Variants in FGF18 observed in about 807,000 individuals in gnomAD.
FGF18 encodes fibroblast growth factor 18.
FGF18 carries 5 observed loss-of-function variants against 23.0 expected under a neutral mutation model. The observed-to-expected ratio is 0.22, with a 90% confidence interval of 0.11 to 0.46. FGF18 has a LOEUF of 0.46. Ranked by LOEUF, FGF18 falls within the 20% of genes least tolerant of loss-of-function variation. The pLI is 0.99. For synonymous variants in FGF18, 117 were observed against 118.9 expected (o/e 0.98, Z 0.10); for missense variants, 180 against 291.6 (o/e 0.62, Z 2.79).
rs1772244815 is a variant in FGF18, at chr5:171,436,272, T to C, written c.249T>C (p.Tyr83=). 4 of 1,572,398 alleles carry C rather than the reference T, an allele frequency of 2.5e-6. No homozygotes were observed. The highest frequency in any genetic ancestry group is 2.6e-6 in the Non-Finnish European group (3 of 1,155,914). Residue 83 remains tyrosine, a splice_region_variant and synonymous_variant, in exon 3 of 5, where the codon TAT becomes TAC. Coordinates refer to ENST00000274625, the MANE Select transcript of FGF18 (RefSeq NM_003862.3). The surrounding 1 kb of genome is among the most constrained non-coding windows in gnomAD (Gnocchi z 4.4). The part of the protein sequence containing the change: ...ISARGEDGDK[Y]AQLLVETDTF... The stretch of plus-strand genomic sequence containing the variant: ...CCCGCGGCGAGGATGGGGACAAGTA[T>C]GGTATGTGCCAACCCTCTCCTCCTA...
Position 171,436,126 on chromosome 5 carries a change from A to G in FGF18, c.103A>G (p.Ile35Val). Residue 35 changes from isoleucine (I) to valine (V), a missense_variant, in exon 3 of 5, where the codon ATC becomes GTC. Ile to Val is a conservative substitution (Grantham distance 29). Coordinates refer to ENST00000274625, the MANE Select transcript of FGF18 (RefSeq NM_003862.3). The surrounding 1 kb of genome is among the most constrained non-coding windows in gnomAD (Gnocchi z 4.4). ...TGCCGAGGAGAACGTGGACTTCCGC[A>G]TCCACGTGGAGAACCAGACGCGGGC... ...LVAEENVDFR[I>V]HVENQTRARD... The G allele has an allele frequency of 6.3e-7, 1 of 1,575,774 alleles. No homozygotes were observed. The highest frequency in any genetic ancestry group is 8.6e-7 in the Non-Finnish European group (1 of 1,156,522).
At chr5:171,428,034 G>T (rs567839984) in intron 2 of FGF18, among the ~76,000 whole-genome samples, 52 of 152,190 alleles carry the variant, frequency 3.4e-4, no homozygotes, top group Non-Finnish European at 7.3e-4. Context: ...CTGCCCGGGG[G>T]AGGCACTTGG....
chr5:171,426,084 C>G (rs1309773565), intron 2 of FGF18, among the ~76,000 whole-genome samples: 1 of 152,158 alleles, frequency 6.6e-6, no homozygotes, highest in African/African-American at 2.4e-5. Flanking sequence ...ACTTAACTCC[C>G]CTGGGTCTCA....
chr5:171,436,420 A>C lies in FGF18; in HGVS notation c.250+147A>C, dbSNP rs565688117. The C allele has an allele frequency of 4.3e-4, 235 of 546,670 alleles. 3 individuals carry two copies. Among genetic ancestry groups the C allele is most frequent in the South Asian group, 3.3e-3 (75 of 22,560 alleles). 33.9% of individuals were successfully genotyped at this position (546,670 alleles called of 1,614,324 possible). On this transcript the variant is annotated intron_variant, in intron 3 of 4. Transcript: ENST00000274625. This position sits in a 1 kb window ranked among gnomAD's most constrained non-coding sequence, Gnocchi z 4.4. The stretch of plus-strand genomic sequence containing the variant: ...TGACCCTTTCTGGGTCTGTTTCCTG[A>C]TCTATAAAATGGGGATGCAATAGTG...
chr5:171,448,258 C>G (rs375609895), intron 3 of FGF18, among the ~76,000 whole-genome samples: 1 of 152,294 alleles, frequency 6.6e-6, no homozygotes, highest in East Asian at 1.9e-4. Context: ...CAGTGGGGAT[C>G]CGGTCCTGAT....
At chr5:171,430,825 A>C (rs1772171996) in intron 2 of FGF18, among the ~76,000 whole-genome samples, 1 of 148,566 alleles carries the variant, frequency 6.7e-6, no homozygotes. Flanking sequence ...AAGAAAAAAG[A>C]GTAATGATTG....
At chr5:171,433,878 T>A (rs1017758680) in intron 2 of FGF18, among the ~76,000 whole-genome samples, 3 of 152,248 alleles carry the variant, frequency 2.0e-5, no homozygotes, top group Non-Finnish European at 2.9e-5. Flanking sequence ...AAGGGTTCCC[T>A]TGTGTTCTAT....
chr5:171,432,583 A>AT (rs1191542947), intron 2 of FGF18, among the ~76,000 whole-genome samples: 1 of 151,800 alleles, frequency 6.6e-6, no homozygotes, highest in African/African-American at 2.4e-5. Flanking sequence ...TAATTTTTGT[A>AT]TTTTCAGTAG....
At chr5:171,438,560 C>CTA (rs1326760012) in intron 3 of FGF18, among the ~76,000 whole-genome samples, 2 of 152,044 alleles carry the variant, frequency 1.3e-5, no homozygotes, top group African/African-American at 4.8e-5. Context: ...GGGGACTAGG[C>CTA]CTTCTTGGCT....
In FGF18 at chr5:171,425,855, A is replaced by G. The variant is rs541814846; in HGVS notation, c.69+5412A>G. 3.3e-4 allele frequency among the ~76,000 whole-genome samples: 51 copies of G among 152,316 alleles called. 1 individual carries two copies. Among genetic ancestry groups the G allele is most frequent in the Admixed American group, 7.8e-4 (12 of 15,302 alleles). On this transcript the variant is annotated intron_variant, in intron 2 of 4. Coordinates refer to ENST00000274625, the MANE Select transcript of FGF18 (RefSeq NM_003862.3). Reference sequence around the variant, plus strand: ...AGCCATGTGCTTTTGCACATTATCCAGGTCAAGCCTCACAACCAGCCTGGA... The same window carrying G: ...AGCCATGTGCTTTTGCACATTATCCGGGTCAAGCCTCACAACCAGCCTGGA...
At chr5:171,439,389 G>A (rs893758430) in intron 3 of FGF18, among the ~76,000 whole-genome samples, 1 of 152,184 alleles carries the variant, frequency 6.6e-6, no homozygotes, top group African/African-American at 2.4e-5. Context: ...AGCACAGCTG[G>A]CCAGAGGGCT....
At chr5:171,420,482 C>G in intron 2 of FGF18, 39 bp downstream of exon 2, 1 of 1,596,684 alleles carries the variant, frequency 6.3e-7, no homozygotes, top group Non-Finnish European at 8.6e-7. Context: ...CCCGCCCCTG[C>G]CTCGCGGTAC....
intron 2 of FGF18, among the ~76,000 whole-genome samples, chr5:171,424,262 GT>G (rs1772060635): frequency 6.6e-6 from 1 of 152,240 alleles, no homozygotes; most frequent in East Asian, 1.9e-4. Context: ...TCCCAGCACT[GT>G]GAAGTGGAGT....
At chr5:171,420,513 G>A (rs948432908) in intron 2 of FGF18, 70 bp downstream of exon 2, 1 of 1,458,114 alleles carries the variant, frequency 6.9e-7, no homozygotes, top group Non-Finnish European at 9.6e-7. Flanking sequence ...CCCTTCCCCG[G>A]CCGCGCCCCC....
At chr5:171,443,435 A>T (rs943477124) in intron 3 of FGF18, among the ~76,000 whole-genome samples, 2 of 146,892 alleles carry the variant, frequency 1.4e-5, no homozygotes, top group African/African-American at 5.0e-5. Flanking sequence ...CCACGTTCAC[A>T]CTCTTAACAT....
chr5:171,433,570 T>C (rs1341040445), intron 2 of FGF18, among the ~76,000 whole-genome samples: 1 of 151,978 alleles, frequency 6.6e-6, no homozygotes, highest in African/African-American at 2.4e-5. Context: ...AGCAGCAGGA[T>C]GTGGAAGGAG....
intron 3 of FGF18, among the ~76,000 whole-genome samples, chr5:171,447,411 A>G (rs528925395): frequency 6.6e-6 from 1 of 152,350 alleles, no homozygotes; most frequent in South Asian, 2.1e-4. Flanking sequence ...CTTAAGGGGA[A>G]CAAGGAGGAT....
chr5:171,420,452 G>T lies in FGF18; in HGVS notation c.69+9G>T. 1 of 1,612,346 alleles carries T rather than the reference G, an allele frequency of 6.2e-7. No individual in the cohort carries two copies. The highest frequency in any genetic ancestry group is 8.5e-7 in the Non-Finnish European group (1 of 1,179,092). The stretch of plus-strand genomic sequence containing the variant: ...TGTGCTTCCAGGTACAGGTACGTGG[G>T]CTCCTGACTTTGACCTCCTCCCGCC... On this transcript the variant is annotated intron_variant, in intron 2 of 4. Coordinates refer to ENST00000274625, the MANE Select transcript of FGF18 (RefSeq NM_003862.3).
Position 171,457,366 on chromosome 5 carries a change from C to T in FGF18, c.*561C>T, listed in dbSNP as rs935592498. 1 of 152,842 alleles carries T rather than the reference C, an allele frequency of 6.5e-6. No individual in the cohort carries two copies. Among genetic ancestry groups the T allele is most frequent in the African/African-American group, 2.4e-5 (1 of 41,376 alleles). The allele number at this position is 152,842 out of a possible 1,614,324, so 9.5% of individuals were successfully genotyped here. ...GGCGTGCCCCTGGGAATTCTCCGCG[C>T]CTCGACCTCCCGACGACAGACGCCT... is the stretch of plus-strand genomic sequence containing the variant. On this transcript the variant is annotated 3_prime_UTR_variant, in exon 5 of 5. Coordinates refer to ENST00000274625, the MANE Select transcript of FGF18 (RefSeq NM_003862.3).
Sources: gnomAD v4.1 joint callset for allele counts (sites outside exome capture counted in the v4.1 genomes callset) on GRCh38, gnomAD v4.1.1 for gene constraint, Gnocchi (gnomAD v3.1) non-coding constraint, MANE v1.5 for transcripts, NCBI Gene and HGNC (gene_info 2026-07-23, HGNC 2026-07-21) for gene names.